The following TMEM132C variants were observed in gnomAD, a reference collection of about 807,000 sequenced individuals.
TMEM132C encodes protein phosphatase 1, regulatory subunit 152.
A neutral mutation model predicts 61.4 loss-of-function variants in TMEM132C; 29 were observed. The observed-to-expected ratio is 0.47, with a 90% CI of 0.35 to 0.64. TMEM132C has a LOEUF of 0.64. Among genes scored for constraint, TMEM132C ranks in the 30% least tolerant of loss-of-function variants. The probability of loss-of-function intolerance (pLI) is 0.00; values close to 1 mark genes in which losing one functional copy is unlikely to be tolerated. For synonymous variants in TMEM132C, 656 were observed against 633.1 expected (o/e 1.04, Z -0.54); for missense variants, 1,408 against 1,476.9 (o/e 0.95, Z 0.76).
At chr12:128,299,467 A>T (rs1300151188) in intron 1 of TMEM132C, among the ~76,000 whole-genome samples, 1 of 152,174 alleles carries the variant, frequency 6.6e-6, no homozygotes, top group Admixed American at 6.5e-5. Context: ...ATGGCTACTG[A>T]GATGCTCTTA....
At chr12:128,472,514 T>A (rs1208919689) in intron 2 of TMEM132C, among the ~76,000 whole-genome samples, 1 of 152,204 alleles carries the variant, frequency 6.6e-6, no homozygotes, top group Non-Finnish European at 1.5e-5. Context: ...TTCCCTACCT[T>A]CCAGGGAACA....
At chr12:128,497,970 A>AC (rs1366556356) in intron 2 of TMEM132C, among the ~76,000 whole-genome samples, 1 of 151,686 alleles carries the variant, frequency 6.6e-6, no homozygotes, top group Non-Finnish European at 1.5e-5. Flanking sequence ...TCTTGGAACC[A>AC]CCCCCAGTCT....
At chr12:128,690,785 A>T (rs1032030210) in intron 5 of TMEM132C, among the ~76,000 whole-genome samples, 5 of 152,078 alleles carry the variant, frequency 3.3e-5, no homozygotes, top group African/African-American at 1.2e-4. Flanking sequence ...ATGTGTTCCC[A>T]TCCCAACTGC....
chr12:128,383,295 A>G (rs1415457415), intron 1 of TMEM132C, among the ~76,000 whole-genome samples: 1 of 152,176 alleles, frequency 6.6e-6, no homozygotes. Context: ...GGAACTTAGA[A>G]GTGGGCAAGG....
At chr12:128,479,327 T>C (rs538116923) in intron 2 of TMEM132C, among the ~76,000 whole-genome samples, 1 of 152,220 alleles carries the variant, frequency 6.6e-6, no homozygotes, top group Non-Finnish European at 1.5e-5. Context: ...TTTACCTATG[T>C]AACAAACCTG....
At chr12:128,648,121 G>A (rs371367967) in intron 4 of TMEM132C, among the ~76,000 whole-genome samples, 2 of 151,558 alleles carry the variant, frequency 1.3e-5, no homozygotes, top group Admixed American at 6.6e-5. Flanking sequence ...GTGTTTACTG[G>A]AGTCCATTAG....
At chr12:128,631,222 T>C (rs1189617337) in intron 4 of TMEM132C, among the ~76,000 whole-genome samples, 1 of 152,248 alleles carries the variant, frequency 6.6e-6, no homozygotes, top group Non-Finnish European at 1.5e-5. Flanking sequence ...CATGCGGTCA[T>C]TGAACACTTA....
At chr12:128,677,336 A>T (rs1363453525) in intron 5 of TMEM132C, among the ~76,000 whole-genome samples, 1 of 152,204 alleles carries the variant, frequency 6.6e-6, no homozygotes, top group African/African-American at 2.4e-5. Flanking sequence ...CACAGCAATT[A>T]AATAGAACAG....
At chr12:128,441,955 T>C (rs767289597) in intron 2 of TMEM132C, among the ~76,000 whole-genome samples, 12 of 152,154 alleles carry the variant, frequency 7.9e-5, no homozygotes, top group Non-Finnish European at 1.2e-4. Flanking sequence ...TGAGCCGGGA[T>C]CGCACCATGG....
chr12:128,618,481 G>A (rs1032730136), intron 4 of TMEM132C, among the ~76,000 whole-genome samples: 4 of 152,146 alleles, frequency 2.6e-5, no homozygotes, highest in African/African-American at 9.7e-5. Context: ...TCTGAACACT[G>A]GATTTGGGTG....
chr12:128,415,676 T>A lies in TMEM132C; in HGVS notation c.974+56T>A. The stretch of plus-strand genomic sequence containing the variant: ...TTGGCATGCCTGGTGTGAGACTGGG[T>A]TCCATGCGTGGCAGATAGATATTCA... On this transcript the variant is annotated intron_variant, in intron 2 of 8. Coordinates refer to ENST00000435159, the MANE Select transcript of TMEM132C (RefSeq NM_001136103.3). This position sits in a 1 kb window ranked among gnomAD's most constrained non-coding sequence, Gnocchi z 5.8. 1 of 1,453,538 alleles carries A rather than the reference T, an allele frequency of 6.9e-7. No individual in the cohort carries two copies. The highest frequency in any genetic ancestry group is 9.1e-7 in the Non-Finnish European group (1 of 1,093,114). 90.0% of individuals were successfully genotyped at this position (1,453,538 alleles called of 1,614,324 possible).
At chr12:128,557,277 C>T (rs1391695507) in intron 3 of TMEM132C, among the ~76,000 whole-genome samples, 1 of 152,220 alleles carries the variant, frequency 6.6e-6, no homozygotes, top group Non-Finnish European at 1.5e-5. Context: ...GGAGTTTCTG[C>T]TTTCTTCATT....
At position 128,423,996 on chromosome 12, in the gene TMEM132C, G is replaced by A. The variant is rs375836852; in HGVS notation, c.974+8376G>A. On this transcript the variant is annotated intron_variant, in intron 2 of 8. Transcript: ENST00000435159. The stretch of plus-strand genomic sequence containing the variant: ...CAGGAGGCGGAGCTTGCAGTGAGCC[G>A]AGATCATGCCACTGCACTCCAGCCT... 1.1e-4 allele frequency among the ~76,000 whole-genome samples: 15 copies of A among 133,946 alleles called. No homozygotes were observed. The South Asian group carries it at 1.2e-3, about 11-fold the overall frequency. 87.9% of individuals were successfully genotyped at this position (133,946 alleles called of 152,430 possible).
chr12:128,290,382 C>G (rs185497248), intron 1 of TMEM132C, among the ~76,000 whole-genome samples: 1 of 152,190 alleles, frequency 6.6e-6, no homozygotes, highest in East Asian at 1.9e-4. Context: ...TTTAAACTAT[C>G]AGATCTCATG....
At chr12:128,421,361 A>G (rs1315446745) in intron 2 of TMEM132C, among the ~76,000 whole-genome samples, 1 of 152,360 alleles carries the variant, frequency 6.6e-6, no homozygotes, top group Middle Eastern at 3.4e-3. Context: ...CACCCAGGTC[A>G]CAGAATGTTG....
At chr12:128,352,041 G>A (rs1014991015) in intron 1 of TMEM132C, among the ~76,000 whole-genome samples, 5 of 152,286 alleles carry the variant, frequency 3.3e-5, no homozygotes, top group East Asian at 3.9e-4. Flanking sequence ...GTCTTACTCA[G>A]GGAAGTGTCA....
At chr12:128,656,515 T>A (rs1566005001) in intron 4 of TMEM132C, among the ~76,000 whole-genome samples, 1 of 152,252 alleles carries the variant, frequency 6.6e-6, no homozygotes, top group Non-Finnish European at 1.5e-5. Flanking sequence ...AAGTACTGCA[T>A]ATTTCCGTTT....
At chr12:128,449,629 G>A (rs538443294) in intron 2 of TMEM132C, among the ~76,000 whole-genome samples, 65 of 152,294 alleles carry the variant, frequency 4.3e-4, no homozygotes, top group African/African-American at 1.3e-3. Context: ...TGTGCAAGGC[G>A]TGAAGATGCA....
intron 1 of TMEM132C, among the ~76,000 whole-genome samples, chr12:128,333,546 A>C (rs1362522050): frequency 6.6e-6 from 1 of 151,666 alleles, no homozygotes; most frequent in East Asian, 1.9e-4. Context: ...TGAGTGTAGC[A>C]TGTATGTGTG....
Sources: allele counts gnomAD v4.1 joint callset (sites outside exome capture counted in the v4.1 genomes callset), GRCh38; gene constraint gnomAD v4.1.1; non-coding constraint Gnocchi (gnomAD v3.1); transcripts MANE v1.5; gene names NCBI Gene and HGNC (gene_info 2026-07-23, HGNC 2026-07-21).